The following TASP1 variants were observed in gnomAD, a reference collection of about 807,000 sequenced individuals.
TASP1 encodes the protein threonine aspartase 1.
A neutral mutation model predicts 56.6 loss-of-function variants in TASP1; 16 were observed. That is an observed-to-expected ratio of 0.28 (90% CI 0.19 to 0.43). The LOEUF (loss-of-function observed/expected upper bound fraction) is 0.43. Among genes scored for constraint, TASP1 ranks in the 20% least tolerant of loss-of-function variants. The pLI is 1.00. For missense variants in TASP1, 393 were observed against 511.6 expected (o/e 0.77, Z 2.24); for synonymous variants, 179 against 184.2 (o/e 0.97, Z 0.23).
intron 12 of TASP1, among the ~76,000 whole-genome samples, chr20:13,420,667 GA>G (rs1392309404): frequency 1.3e-5 from 2 of 152,206 alleles, no homozygotes; most frequent in Admixed American, 1.3e-4. Flanking sequence ...AGACTTCAGG[GA>G]AGCAGGACAA....
intron 1 of TASP1, among the ~76,000 whole-genome samples, chr20:13,632,217 G>A (rs1209678742): frequency 6.6e-6 from 1 of 151,378 alleles, no homozygotes; most frequent in Admixed American, 6.6e-5. Context: ...ACAAAAAGCT[G>A]GGCATGGTGG....
intron 7 of TASP1, among the ~76,000 whole-genome samples, chr20:13,566,846 G>T (rs1457219851): frequency 6.6e-6 from 1 of 152,134 alleles, no homozygotes; most frequent in Non-Finnish European, 1.5e-5. Context: ...AATTAGTTCA[G>T]CCATTGTGGA....
rs537233934 is a variant in TASP1 at position 13,633,775 on chromosome 20, C to T, written c.-74-3623G>A. On this transcript the variant is annotated intron_variant, in intron 1 of 13. Transcript: ENST00000337743. ...TTCAGCTAACCTTTGAGGTAACACTCAACACAAAAGATTTCCAATGAAAGG... is the reference window on the plus strand; with the variant it reads ...TTCAGCTAACCTTTGAGGTAACACTTAACACAAAAGATTTCCAATGAAAGG... 2.0e-3 allele frequency among the ~76,000 whole-genome samples: 294 copies of T among 150,412 alleles called. 3 individuals are homozygous for T. The highest frequency in any genetic ancestry group is 1.9e-3 in the Non-Finnish European group (126 of 67,724).
intron 4 of TASP1, chr20:13,616,945 C>T (rs745808459): frequency 5.0e-6 from 2 of 401,178 alleles, no homozygotes; most frequent in Non-Finnish European, 9.9e-6. Flanking sequence ...TAAATCAATG[C>T]TCTAGCAGCA....
At chr20:13,266,119 C>G in the TASP1 span, among the ~76,000 whole-genome samples, 11,616 of 152,198 alleles carry the variant, frequency 0.076, 494 homozygotes, top group Non-Finnish European at 0.1. Flanking sequence ...AGAATTGTGT[C>G]ATATGGTCGC....
intron 4 of TASP1, among the ~76,000 whole-genome samples, chr20:13,592,000 T>A (rs568117203): frequency 8.5e-5 from 13 of 152,222 alleles, no homozygotes; most frequent in African/African-American, 2.4e-4. Flanking sequence ...TCATTTTTTT[T>A]AAATCCTCAA....
At chr20:13,185,195 A>G in the TASP1 span, among the ~76,000 whole-genome samples, 1 of 152,170 alleles carries the variant, frequency 6.6e-6, no homozygotes, top group Non-Finnish European at 1.5e-5. Context: ...ATAAAGCACC[A>G]TTTCCAATGC....
chr20:13,319,342 G>C, the TASP1 span, among the ~76,000 whole-genome samples: 301 of 152,234 alleles, frequency 2.0e-3, 1 homozygote, highest in Middle Eastern at 0.017. Context: ...CTGGCAGCCC[G>C]GGTATTTCTA....
chr20:13,167,626 A>G, the TASP1 span: 1 of 152,222 alleles, frequency 6.6e-6, no homozygotes, highest in Non-Finnish European at 1.5e-5. Context: ...TAATAAGGAA[A>G]TGGCATAGAC....
At chr20:13,164,910 A>T in the TASP1 span, 1 of 1,501,456 alleles carries the variant, frequency 6.7e-7, no homozygotes, top group Non-Finnish European at 9.1e-7. Context: ...TGCGAGAAAG[A>T]CCTCCCTCCT....
At chr20:13,494,472 CTT>C (rs2043649473) in intron 10 of TASP1, among the ~76,000 whole-genome samples, 1 of 152,058 alleles carries the variant, frequency 6.6e-6, no homozygotes, top group Admixed American at 6.6e-5. Context: ...TTATAGAAAA[CTT>C]AATTTTTTTA....
chr20:13,545,203 G>A (rs754232092), intron 8 of TASP1, among the ~76,000 whole-genome samples: 2 of 152,218 alleles, frequency 1.3e-5, no homozygotes, highest in East Asian at 3.9e-4. Context: ...TTATCCTTTC[G>A]TTCCTCAATA....
the TASP1 span, among the ~76,000 whole-genome samples, chr20:13,204,085 T>C: frequency 0.05 from 7,572 of 152,288 alleles, 497 homozygotes; most frequent in East Asian, 0.19. Flanking sequence ...ATAACTTCAA[T>C]AATATTACTC....
the TASP1 span, among the ~76,000 whole-genome samples, chr20:13,382,300 G>C: frequency 1.3e-5 from 2 of 152,192 alleles, no homozygotes; most frequent in African/African-American, 4.8e-5. Flanking sequence ...TGGAGTCTGT[G>C]GAGCTTCTCG....
the TASP1 span, among the ~76,000 whole-genome samples, chr20:13,352,356 A>G: frequency 6.6e-6 from 1 of 151,888 alleles, no homozygotes; most frequent in African/African-American, 2.4e-5. Flanking sequence ...AGGCTGCGGC[A>G]TAAGAATCGC....
intron 11 of TASP1, among the ~76,000 whole-genome samples, chr20:13,469,816 T>TTTTTTTTTTTG (rs2044415784): frequency 8.0e-6 from 1 of 124,356 alleles, no homozygotes; most frequent in Non-Finnish European, 1.7e-5. Context: ...TTTTTTTTTT[T>TTTTTTTTTTTG]TTTTTTTTTT....
the TASP1 span, among the ~76,000 whole-genome samples, chr20:13,308,845 T>A: frequency 6.6e-6 from 1 of 152,140 alleles, no homozygotes; most frequent in Non-Finnish European, 1.5e-5. Context: ...ATGAATGAGA[T>A]TAGCATCCTT....
chr20:13,206,809 G>A, the TASP1 span, among the ~76,000 whole-genome samples: 6 of 152,210 alleles, frequency 3.9e-5, no homozygotes, highest in South Asian at 2.1e-4. Context: ...TGACCCCACC[G>A]GGGTGGAAAA....
chr20:13,322,577 G>A, the TASP1 span, among the ~76,000 whole-genome samples: 5 of 152,318 alleles, frequency 3.3e-5, no homozygotes, highest in Non-Finnish European at 5.9e-5. Flanking sequence ...AGAGGAAGAC[G>A]TGCTCTATTT....
Sources: allele counts gnomAD v4.1 joint callset (sites outside exome capture counted in the v4.1 genomes callset), GRCh38; gene constraint gnomAD v4.1.1; transcripts MANE v1.5; gene names NCBI Gene and HGNC (gene_info 2026-07-23, HGNC 2026-07-21).